PATJ: variants seen among roughly 807,000 people sequenced by gnomAD.
The protein encoded by PATJ is PATJ crumbs cell polarity complex component, also known as inaD-like protein.
In PATJ, 190 loss-of-function variants were observed where a neutral mutation model predicts 224.9. That is an observed-to-expected ratio of 0.84 (90% CI 0.75 to 0.95). PATJ has a LOEUF of 0.95. Among genes scored for constraint, PATJ ranks in the 40% least tolerant of loss-of-function variants. PATJ has a pLI of 0.00. For missense variants in PATJ, 2,121 were observed against 2,270.3 expected, an observed-to-expected ratio of 0.93 and a Z score of 1.34; for synonymous variants, 769 against 820.3, an observed-to-expected ratio of 0.94 and a Z score of 1.07.
intron 28 of PATJ, among the ~76,000 whole-genome samples, chr1:61,997,998 A>ATATATATAAT (rs56007673): frequency 1.1e-5 from 1 of 92,666 alleles, no homozygotes; most frequent in African/African-American, 5.1e-5. Flanking sequence ...ATGTATATAT[A>ATATATATAAT]ATATATTATA....
intron 29 of PATJ, among the ~76,000 whole-genome samples, chr1:62,030,260 CA>C (rs1648958856): frequency 6.6e-6 from 1 of 152,206 alleles, no homozygotes; most frequent in Non-Finnish European, 1.5e-5. Context: ...TTTAACATCA[CA>C]AAGCCATAAA....
At chr1:61,978,013 A>G (rs1189846331) in intron 27 of PATJ, among the ~76,000 whole-genome samples, 1 of 151,992 alleles carries the variant, frequency 6.6e-6, no homozygotes, top group Non-Finnish European at 1.5e-5. Context: ...ACCACCATCC[A>G]GGTAATGAAA....
intron 19 of PATJ, among the ~76,000 whole-genome samples, chr1:61,862,685 T>C (rs905157099): frequency 6.6e-6 from 1 of 152,178 alleles, no homozygotes; most frequent in African/African-American, 2.4e-5. Context: ...ACAAAAAGTA[T>C]TCATATTGAA....
chr1:61,970,696 A>G (rs979194306), intron 27 of PATJ, among the ~76,000 whole-genome samples: 5 of 152,172 alleles, frequency 3.3e-5, no homozygotes, highest in African/African-American at 2.4e-5. Flanking sequence ...CTCTTCATCT[A>G]TTGCCCAGGC....
chr1:61,947,541 A>G (rs1355527070), intron 27 of PATJ, among the ~76,000 whole-genome samples: 1 of 152,138 alleles, frequency 6.6e-6, no homozygotes, highest in Non-Finnish European at 1.5e-5. Context: ...AGAACTACAA[A>G]CCACTGCTCA....
chr1:61,766,571 T>C lies in PATJ; in HGVS notation c.384+98T>C, dbSNP rs1462682425. 27 of 784,626 alleles carry C rather than the reference T, an allele frequency of 3.4e-5. No individual in the cohort carries two copies. The East Asian group carries it at 7.6e-4, about 22-fold the overall frequency. 48.6% of individuals were successfully genotyped at this position (784,626 alleles called of 1,614,324 possible). A position where few individuals can be genotyped will look rare whatever the true frequency, so the allele number is the denominator to read the frequency against. On this transcript the variant is annotated intron_variant, in intron 4 of 43. Coordinates refer to ENST00000642238, the MANE Select transcript of PATJ (RefSeq NM_001350145.3). Reference sequence around the variant, plus strand: ...TCATTCTTTTTGCTGTAAAATGTATTAGTATGTATTTTGCTTGCTTCTATT... The same window carrying C: ...TCATTCTTTTTGCTGTAAAATGTATCAGTATGTATTTTGCTTGCTTCTATT...
At chr1:61,931,347 A>G (rs1676003570) in intron 27 of PATJ, among the ~76,000 whole-genome samples, 1 of 152,240 alleles carries the variant, frequency 6.6e-6, no homozygotes, top group Non-Finnish European at 1.5e-5. Context: ...GACTATGAAT[A>G]AAACAAAGTA....
chr1:61,823,089 A>T lies in PATJ; in HGVS notation c.1818+10A>T, dbSNP rs1423455079. On this transcript the variant is annotated intron_variant, in intron 15 of 43. Coordinates refer to ENST00000642238, the MANE Select transcript of PATJ (RefSeq NM_001350145.3). ...AGATGAGCTGCTTGAGGTAAAATTT[A>T]TGGGGAAAGAAAGACACAGGCAAGA... 3.1e-6 allele frequency: 5 copies of T among 1,613,670 alleles called. No individual in the cohort carries two copies. In the East Asian group the frequency reaches 6.7e-5, roughly 22 times the overall value.
At chr1:62,118,924 G>A (rs957502701) in intron 37 of PATJ, among the ~76,000 whole-genome samples, 3 of 151,322 alleles carry the variant, frequency 2.0e-5, no homozygotes, top group African/African-American at 7.3e-5. Flanking sequence ...GAGCCCCCGC[G>A]CCCAGCCGCA....
At chr1:62,119,919 G>A (rs1360144577) in intron 37 of PATJ, among the ~76,000 whole-genome samples, 1 of 152,180 alleles carries the variant, frequency 6.6e-6, no homozygotes, top group African/African-American at 2.4e-5. Flanking sequence ...ACTACAGCCT[G>A]GGTGACAGAG....
intron 22 of PATJ, among the ~76,000 whole-genome samples, chr1:61,895,038 G>C (rs1670166579): frequency 6.6e-6 from 1 of 152,166 alleles, no homozygotes; most frequent in African/African-American, 2.4e-5. Context: ...TTAGAGATCT[G>C]TGGAACTTTG....
chr1:61,995,609 A>G (rs540766199), intron 28 of PATJ, among the ~76,000 whole-genome samples: 5 of 152,302 alleles, frequency 3.3e-5, no homozygotes, highest in African/African-American at 1.2e-4. Context: ...AATTCTGTCC[A>G]TCAATGGCTT....
At chr1:61,804,935 T>C (rs952470085) in intron 12 of PATJ, among the ~76,000 whole-genome samples, 3 of 152,200 alleles carry the variant, frequency 2.0e-5, no homozygotes, top group African/African-American at 7.2e-5. Flanking sequence ...CAAGCCTTTA[T>C]AGCTACCCAT....
At position 62,128,894 on chromosome 1, in the gene PATJ, C is replaced by T. The variant is rs113629200; in HGVS notation, c.5220C>T (p.His1740=). 2.8e-5 allele frequency: 45 copies of T among 1,613,564 alleles called. No individual in the cohort carries two copies. The African/African-American group carries it at 3.3e-4, about 12-fold the overall frequency. The change falls in exon 41 of 44, where the codon CAC becomes CAT. Residue 1740 remains histidine (H), a synonymous_variant. Coordinates refer to ENST00000642238, the MANE Select transcript of PATJ (RefSeq NM_001350145.3). Reference sequence around the variant, plus strand: ...GGCAACCTTTGGATGGGCTGTCTCACGCGGATGTGGTTAATCTGCTGAAGA... The same window carrying T: ...GGCAACCTTTGGATGGGCTGTCTCATGCGGATGTGGTTAATCTGCTGAAGA... ...INGQPLDGLS[H]ADVVNLLKNA...
intron 30 of PATJ, among the ~76,000 whole-genome samples, chr1:62,047,664 T>C (rs910892166): frequency 1.3e-5 from 2 of 152,248 alleles, no homozygotes; most frequent in African/African-American, 2.4e-5. Flanking sequence ...ATTACAAGTT[T>C]TCCATAGATT....
At chr1:61,936,610 C>T (rs779248566) in intron 27 of PATJ, among the ~76,000 whole-genome samples, 3 of 152,072 alleles carry the variant, frequency 2.0e-5, no homozygotes, top group Non-Finnish European at 4.4e-5. Flanking sequence ...CTCGCTCTGT[C>T]ACCCAGGCTG....
At chr1:61,823,607 C>T (rs1657676810) in intron 15 of PATJ, among the ~76,000 whole-genome samples, 1 of 152,158 alleles carries the variant, frequency 6.6e-6, no homozygotes, top group African/African-American at 2.4e-5. Flanking sequence ...GGGGAATGGT[C>T]ACACAAAAAG....
At chr1:61,761,528 A>C (rs2148282967) in intron 1 of PATJ, among the ~76,000 whole-genome samples, 2 of 152,310 alleles carry the variant, frequency 1.3e-5, no homozygotes, top group South Asian at 4.1e-4. Context: ...GAAGACCCGA[A>C]GAAACAGTAA....
At chr1:61,889,689 T>G (rs1669325639) in intron 22 of PATJ, among the ~76,000 whole-genome samples, 1 of 152,228 alleles carries the variant, frequency 6.6e-6, no homozygotes, top group Non-Finnish European at 1.5e-5. Flanking sequence ...ATGGATATGC[T>G]GGGCAAAGAG....
Sources: allele counts gnomAD v4.1 joint callset (sites outside exome capture counted in the v4.1 genomes callset), GRCh38; gene constraint gnomAD v4.1.1; transcripts MANE v1.5; gene names NCBI Gene and HGNC (gene_info 2026-07-23, HGNC 2026-07-21).